LARGE1: variants seen among roughly 807,000 people sequenced by gnomAD.
The protein encoded by LARGE1 is xylosyl- and glucuronyltransferase LARGE1.
LARGE1 carries 43 observed loss-of-function variants against 87.6 expected under a neutral mutation model. The ratio of observed to expected loss-of-function variants is 0.49; its 90% CI spans 0.38 to 0.63. The LOEUF (loss-of-function observed/expected upper bound fraction) is 0.63. Among genes scored for constraint, LARGE1 ranks in the 30% least tolerant of loss-of-function variants. The pLI is 0.00. For missense variants in LARGE1, 802 were observed against 1,000.2 expected, an observed-to-expected ratio of 0.80 and a Z score of 2.67; for synonymous variants, 434 against 394.6, an observed-to-expected ratio of 1.10 and a Z score of -1.18.
the LARGE1 span, among the ~76,000 whole-genome samples, chr22:33,112,525 G>A: frequency 1.3e-5 from 2 of 152,202 alleles, no homozygotes; most frequent in Non-Finnish European, 2.9e-5. Context: ...CGCATTCGGG[G>A]CATGCTGCTT....
chr22:33,110,542 G>A, the LARGE1 span: 3 of 152,250 alleles, frequency 2.0e-5, no homozygotes, highest in African/African-American at 4.8e-5. Context: ...TGGTGCAGCG[G>A]TGGGAATGGC....
At chr22:33,541,705 T>C (rs971894220) in intron 6 of LARGE1, among the ~76,000 whole-genome samples, 2 of 150,896 alleles carry the variant, frequency 1.3e-5, no homozygotes, top group African/African-American at 2.4e-5. Context: ...GGAGTCATCG[T>C]CTTACTGTTC....
At chr22:33,792,326 A>G (rs1053396560) in intron 1 of LARGE1, among the ~76,000 whole-genome samples, 2 of 152,176 alleles carry the variant, frequency 1.3e-5, no homozygotes, top group Admixed American at 6.5e-5. Flanking sequence ...TGATGGTTTT[A>G]TAAGTGTCTG....
At chr22:33,697,549 CAAAAAA>C (rs3072289) in intron 2 of LARGE1, among the ~76,000 whole-genome samples, 21 of 54,116 alleles carry the variant, frequency 3.9e-4, no homozygotes, top group African/African-American at 1.7e-3. Flanking sequence ...GACTCTGTCC[CAAAAAA>C]AAAAAAAAAA....
chr22:33,592,867 G>GC (rs1555968070), intron 5 of LARGE1, among the ~76,000 whole-genome samples: 1 of 152,128 alleles, frequency 6.6e-6, no homozygotes, highest in Non-Finnish European at 1.5e-5. Flanking sequence ...TTGAGACGGA[G>GC]CTTGCTCTGT....
At chr22:33,260,150 C>A (rs1054532762) in intron 11 of LARGE1, among the ~76,000 whole-genome samples, 1 of 152,190 alleles carries the variant, frequency 6.6e-6, no homozygotes, top group Non-Finnish European at 1.5e-5. Context: ...CTCCTTCCCA[C>A]TGAAACCCCG....
chr22:33,333,107 T>A, intron 10 of LARGE1, among the ~76,000 whole-genome samples: 1 of 151,268 alleles, frequency 6.6e-6, no homozygotes, highest in East Asian at 2.0e-4. Flanking sequence ...CCCGGGTTCA[T>A]GCCATTCTCC....
chr22:33,527,220 C>T (rs947957651), intron 6 of LARGE1, among the ~76,000 whole-genome samples: 1 of 152,222 alleles, frequency 6.6e-6, no homozygotes, highest in African/African-American at 2.4e-5. Flanking sequence ...CGCACCATTG[C>T]ACTCCGGCCT....
At chr22:33,100,475 T>C in the LARGE1 span, among the ~76,000 whole-genome samples, 1 of 151,898 alleles carries the variant, frequency 6.6e-6, no homozygotes, top group African/African-American at 2.4e-5. Context: ...TGTAGCCACA[T>C]GCGGCCCAAG....
the LARGE1 span, among the ~76,000 whole-genome samples, chr22:33,132,819 G>A: frequency 7.3e-3 from 1,106 of 152,156 alleles, 12 homozygotes; most frequent in African/African-American, 0.025. Context: ...CTGGGAAAAC[G>A]AAATTCTTCA....
chr22:33,627,944 G>A (rs569037001), intron 3 of LARGE1, among the ~76,000 whole-genome samples: 1 of 152,246 alleles, frequency 6.6e-6, no homozygotes, highest in Admixed American at 6.5e-5. Flanking sequence ...GCCGTTGACT[G>A]TTAGGCTCCA....
At chr22:33,090,795 G>A in the LARGE1 span, among the ~76,000 whole-genome samples, 1 of 152,218 alleles carries the variant, frequency 6.6e-6, no homozygotes, top group African/African-American at 2.4e-5. Flanking sequence ...TGAGCTGTCA[G>A]AGGCCTTTAA....
At chr22:33,518,688 C>T (rs1372049877) in intron 6 of LARGE1, among the ~76,000 whole-genome samples, 3 of 152,054 alleles carry the variant, frequency 2.0e-5, no homozygotes, top group African/African-American at 7.2e-5. Flanking sequence ...TGATAGTGTC[C>T]AATATTCTTG....
chr22:33,394,375 T>A (rs537859380), intron 7 of LARGE1, among the ~76,000 whole-genome samples: 1 of 152,096 alleles, frequency 6.6e-6, no homozygotes. Flanking sequence ...ATTTTTTGTA[T>A]TTTTAGTAGA....
intron 1 of LARGE1, among the ~76,000 whole-genome samples, chr22:33,895,710 T>C (rs1175952564): frequency 2.6e-5 from 4 of 152,158 alleles, no homozygotes; most frequent in Non-Finnish European, 4.4e-5. Flanking sequence ...AGGAAATCCT[T>C]CAGGGCAAGT....
chr22:33,680,019 C>T (rs1259466761), intron 2 of LARGE1, among the ~76,000 whole-genome samples: 2 of 152,172 alleles, frequency 1.3e-5, no homozygotes, highest in African/African-American at 2.4e-5. Context: ...GTTTGTGGTA[C>T]TTTATTACGG....
chr22:33,668,692 T>C (rs566534095), intron 2 of LARGE1, among the ~76,000 whole-genome samples: 3 of 152,236 alleles, frequency 2.0e-5, no homozygotes, highest in South Asian at 2.1e-4. Context: ...CCACTCTACA[T>C]AAGGCAGGTG....
Position 33,273,710 on chromosome 22 carries a change from G to C in LARGE1, c.*717C>G, listed in dbSNP as rs774908642. The C allele has an allele frequency of 2.0e-5, 8 of 398,630 alleles. No homozygotes were observed. Among genetic ancestry groups the C allele is most frequent in the African/African-American group, 4.1e-5 (2 of 48,618 alleles). The allele number at this position is 398,630 out of a possible 1,614,324, so 24.7% of individuals were successfully genotyped here. A position where few individuals can be genotyped will look rare whatever the true frequency, so the allele number is the denominator to read the frequency against. On this transcript the variant is annotated 3_prime_UTR_variant, in exon 15 of 15. Transcript: ENST00000397394. ...CCTCCTTCCTGGGCCACTGCTGATA[G>C]AGGGTGGTTGGTAGAGGCAGCTGAT...
At chr22:33,852,880 G>GAAAAA (rs1491071139) in intron 1 of LARGE1, among the ~76,000 whole-genome samples, 2 of 41,098 alleles carry the variant, frequency 4.9e-5, no homozygotes, top group African/African-American at 1.2e-4. Context: ...AAAAAAAAAA[G>GAAAAA]AAAGAAAGAA....
Sources: gnomAD v4.1 joint callset for allele counts (sites outside exome capture counted in the v4.1 genomes callset) on GRCh38, gnomAD v4.1.1 for gene constraint, MANE v1.5 for transcripts, NCBI Gene and HGNC (gene_info 2026-07-23, HGNC 2026-07-21) for gene names.